Variants in INPP5D observed in about 807,000 individuals in gnomAD.
INPP5D encodes the protein inositol polyphosphate-5-phosphatase D.
In INPP5D, 33 loss-of-function variants were observed where a neutral mutation model predicts 122.9. The ratio of observed to expected loss-of-function variants is 0.27; its 90% CI spans 0.20 to 0.36. The LOEUF (loss-of-function observed/expected upper bound fraction) is 0.36, where lower values mean the gene tolerates loss of function less well. INPP5D is among the 10% of genes least tolerant of loss of function. The pLI, the probability that INPP5D is intolerant of heterozygous loss-of-function variation, is 1.00. For synonymous variants in INPP5D, 584 were observed against 576.2 expected, an observed-to-expected ratio of 1.01 and a Z score of -0.19; for missense variants, 1,053 against 1,412.7, an observed-to-expected ratio of 0.75 and a Z score of 4.08.
chr2:233,122,030 T>A, intron 2 of INPP5D, 77 bp from the exon 3 acceptor site: 1 of 1,546,784 alleles, frequency 6.5e-7, no homozygotes, highest in Non-Finnish European at 8.9e-7. Flanking sequence ...CGCTGGTCTC[T>A]GCTGCAGTTG....
Position 233,164,324 on chromosome 2 carries a change from C to A in INPP5D, c.1455C>A (p.Leu485=), listed in dbSNP as rs1694271038. 4.5e-6 allele frequency: 7 copies of A among 1,551,414 alleles called. No individual in the cohort carries two copies. In the East Asian group the frequency reaches 1.5e-4, roughly 32 times the overall value. ...CCCACCAGGTCGCCATCCACACGCT[C>A]TGGAACATCCGCATCGTGGTGCTGG... ...VTFKTVAIHT[L]WNIRIVVLAK... Residue 485 remains leucine, a synonymous_variant, in exon 13 of 27, where the codon CTC becomes CTA. Transcript: ENST00000445964. The surrounding 1 kb of genome is among the most constrained non-coding windows in gnomAD (Gnocchi z 4.3).
intron 9 of INPP5D, among the ~76,000 whole-genome samples, chr2:233,155,757 A>G (rs1048069047): frequency 6.6e-6 from 1 of 152,202 alleles, no homozygotes; most frequent in Non-Finnish European, 1.5e-5. Flanking sequence ...AATTCAGGAA[A>G]GAGTCTCAGA....
intron 4 of INPP5D, 97 bp downstream of exon 4, chr2:233,126,016 G>C (rs1693147812): frequency 3.3e-6 from 4 of 1,194,342 alleles, no homozygotes; most frequent in African/African-American, 1.5e-5. Context: ...TTATGGGCCT[G>C]GTGACCAGAG....
At chr2:233,125,353 T>C (rs946085610) in intron 3 of INPP5D, among the ~76,000 whole-genome samples, 3 of 152,204 alleles carry the variant, frequency 2.0e-5, no homozygotes, top group Non-Finnish European at 4.4e-5. Flanking sequence ...TTCTGGGAAC[T>C]GGGCCTCTGC....
intron 5 of INPP5D, chr2:233,130,977 C>T (rs1317858231): frequency 2.1e-6 from 1 of 476,180 alleles, no homozygotes; most frequent in East Asian, 5.5e-5. Context: ...TGCTGCTGCT[C>T]TTGCTGTTTG....
chr2:233,162,471 ACTAAATATATG>A (rs1694223024), intron 11 of INPP5D, among the ~76,000 whole-genome samples: 1 of 151,038 alleles, frequency 6.6e-6, no homozygotes, highest in African/African-American at 2.4e-5. Context: ...CTAATAATAT[ACTAAATATATG>A]CTAAATATAT....
chr2:233,090,441 C>A (rs1691960451), intron 2 of INPP5D, among the ~76,000 whole-genome samples: 1 of 152,156 alleles, frequency 6.6e-6, no homozygotes, highest in Non-Finnish European at 1.5e-5. Flanking sequence ...GGATGCCCAA[C>A]CCATCTCCCC....
chr2:233,155,478 T>A (rs142888286), intron 9 of INPP5D, among the ~76,000 whole-genome samples: 1 of 151,252 alleles, frequency 6.6e-6, no homozygotes, highest in Non-Finnish European at 1.5e-5. Context: ...CAAAATTAGA[T>A]GGGCATGGTG....
At chr2:233,131,096 AT>A in intron 5 of INPP5D, 1 of 906,208 alleles carries the variant, frequency 1.1e-6, no homozygotes, top group Non-Finnish European at 1.3e-6. Context: ...AGTGATGTCA[AT>A]TTTTCAAAGG....
chr2:233,121,101 C>A (rs746931406), intron 2 of INPP5D, among the ~76,000 whole-genome samples: 2 of 56,658 alleles, frequency 3.5e-5, no homozygotes, highest in Admixed American at 1.7e-4. Flanking sequence ...CAGGTGATTT[C>A]TTTCTTTCTT....
chr2:233,181,259 T>C (rs566607960), intron 18 of INPP5D, among the ~76,000 whole-genome samples: 4 of 152,354 alleles, frequency 2.6e-5, no homozygotes, highest in Non-Finnish European at 5.9e-5. Flanking sequence ...TTTCTGTCCA[T>C]ATCCTTTGGT....
chr2:233,119,636 A>G (rs1232874412), intron 2 of INPP5D, among the ~76,000 whole-genome samples: 1 of 152,188 alleles, frequency 6.6e-6, no homozygotes, highest in African/African-American at 2.4e-5. Flanking sequence ...GCCCAGGCAT[A>G]GACTTACATA....
chr2:233,115,934 C>A (rs1269602960), intron 2 of INPP5D, among the ~76,000 whole-genome samples: 1 of 152,144 alleles, frequency 6.6e-6, no homozygotes, highest in Non-Finnish European at 1.5e-5. Context: ...GCAGAGTGAG[C>A]TGCTGATTCT....
Position 233,207,378 on chromosome 2 carries a change from G to T in INPP5D, c.*670G>T, listed in dbSNP as rs541472716. On this transcript the variant is annotated 3_prime_UTR_variant, in exon 27 of 27. Transcript: ENST00000445964. This position sits in a 1 kb window ranked among gnomAD's most constrained non-coding sequence, Gnocchi z 4.6. Reference sequence around the variant, plus strand: ...CTTTAGCTAAAGTCCCGCGGGTTCCGGCATGGCTAGGCTGAGAGCAGGGAT... The same window carrying T: ...CTTTAGCTAAAGTCCCGCGGGTTCCTGCATGGCTAGGCTGAGAGCAGGGAT... 1 of 152,810 alleles carries T rather than the reference G, an allele frequency of 6.5e-6. No individual in the cohort carries two copies. Among genetic ancestry groups the T allele is most frequent in the Non-Finnish European group, 1.5e-5 (1 of 68,074 alleles). The allele number at this position is 152,810 out of a possible 1,614,324, so 9.5% of individuals were successfully genotyped here.
intron 6 of INPP5D, among the ~76,000 whole-genome samples, chr2:233,143,493 A>G (rs1451065412): frequency 2.6e-5 from 4 of 152,216 alleles, no homozygotes; most frequent in Non-Finnish European, 5.9e-5. Context: ...CCCTAAAACA[A>G]GGGAATCCTG....
rs1190791887 is a variant in INPP5D, at chr2:233,195,613, A to G, written c.2693+118A>G. On this transcript the variant is annotated intron_variant, in intron 24 of 26. Coordinates refer to ENST00000445964, the MANE Select transcript of INPP5D (RefSeq NM_001017915.3). ...CATAATCCCGGCACTTTGGGAGGCC[A>G]AGGCTGGAGGATCATTTGAGCCTAG... 13 of 1,502,290 alleles carry G rather than the reference A, an allele frequency of 8.7e-6. No individual in the cohort carries two copies. In the East Asian group the frequency reaches 2.9e-4, roughly 34 times the overall value. 93.1% of individuals were successfully genotyped at this position (1,502,290 alleles called of 1,614,324 possible). A position where few individuals can be genotyped will look rare whatever the true frequency, so the allele number is the denominator to read the frequency against.
intron 1 of INPP5D, among the ~76,000 whole-genome samples, chr2:233,070,442 G>GTT (rs56101050): frequency 4.9e-5 from 7 of 141,630 alleles, no homozygotes; most frequent in Non-Finnish European, 7.8e-5. Flanking sequence ...GATTCAGCAG[G>GTT]TTTTTTTTTT....
rs1288944634 is a variant in INPP5D at position 233,100,686 on chromosome 2, G to A, written c.198+21288G>A. Among the ~76,000 whole-genome samples, 1 of 152,160 alleles carries A rather than the reference G, an allele frequency of 6.6e-6. No individual in the cohort carries two copies. Among genetic ancestry groups the A allele is most frequent in the Non-Finnish European group, 1.5e-5 (1 of 68,030 alleles). On this transcript the variant is annotated intron_variant, in intron 2 of 26. Coordinates refer to ENST00000445964, the MANE Select transcript of INPP5D (RefSeq NM_001017915.3). The surrounding 1 kb of genome is among the most constrained non-coding windows in gnomAD (Gnocchi z 5.3). Reference sequence around the variant, plus strand: ...GTCACAGCCTGTTTTCTGCCTTGGGGTTTGGTCCCAGTTCCTCAGAGCAGT... The same window carrying A: ...GTCACAGCCTGTTTTCTGCCTTGGGATTTGGTCCCAGTTCCTCAGAGCAGT...
chr2:233,081,175 C>T (rs951344917), intron 2 of INPP5D, among the ~76,000 whole-genome samples: 1 of 152,188 alleles, frequency 6.6e-6, no homozygotes, highest in Non-Finnish European at 1.5e-5. Context: ...AGCTATTTGC[C>T]ATGGGAATGT....
Sources: gnomAD v4.1 joint callset for allele counts (sites outside exome capture counted in the v4.1 genomes callset) on GRCh38, gnomAD v4.1.1 for gene constraint, Gnocchi (gnomAD v3.1) non-coding constraint, MANE v1.5 for transcripts, NCBI Gene and HGNC (gene_info 2026-07-23, HGNC 2026-07-21) for gene names.